FKBP1B: variants seen among roughly 807,000 people sequenced by gnomAD.
FKBP1B encodes peptidyl-prolyl cis-trans isomerase FKBP1B.
FKBP1B carries 4 observed loss-of-function variants against 13.5 expected under a neutral mutation model. The observed-to-expected ratio is 0.30, with a 90% CI of 0.15 to 0.68. The LOEUF (loss-of-function observed/expected upper bound fraction) is 0.68, where lower values mean the gene tolerates loss of function less well. Ranked by LOEUF, FKBP1B falls within the 30% of genes least tolerant of loss-of-function variation. The pLI is 0.76. For synonymous variants in FKBP1B, 54 were observed against 53.6 expected (o/e 1.01, Z -0.03); for missense variants, 93 against 136.2 (o/e 0.68, Z 1.58).
At chr2:24,062,253 A>C (rs909352441) in intron 3 of FKBP1B, among the ~76,000 whole-genome samples, 4 of 151,318 alleles carry the variant, frequency 2.6e-5, no homozygotes, top group Non-Finnish European at 5.9e-5. Flanking sequence ...GCTCACTGCA[A>C]CCTCCTCCTC....
intron 1 of FKBP1B, among the ~76,000 whole-genome samples, 153 bp from the exon 2 acceptor site, chr2:24,053,749 C>T (rs931915276): frequency 9.2e-5 from 14 of 152,134 alleles, no homozygotes; most frequent in Non-Finnish European, 1.9e-4. Flanking sequence ...TTCATTCTGG[C>T]TCGTACAGGG....
the FKBP1B span, chr2:24,038,303 G>C: frequency 3.1e-6 from 5 of 1,614,166 alleles, no homozygotes; most frequent in Non-Finnish European, 4.2e-6. Flanking sequence ...ATTAGTAATA[G>C]TTGGTCTGTC....
chr2:24,045,646 G>GAAGGAAGGAAGGAAGA (rs1663597669), upstream of FKBP1B, among the ~76,000 whole-genome samples: 1 of 139,928 alleles, frequency 7.1e-6, no homozygotes, highest in African/African-American at 2.6e-5. Context: ...AGGAAGGAAG[G>GAAGGAAGGAAGGAAGA]AAGGAAGGAA....
At chr2:24,052,766 A>C (rs1663938409) in intron 1 of FKBP1B, among the ~76,000 whole-genome samples, 2 of 152,144 alleles carry the variant, frequency 1.3e-5, no homozygotes, top group Non-Finnish European at 2.9e-5. Flanking sequence ...CAGGAGTTCA[A>C]GGCCAACCTG....
the FKBP1B span, among the ~76,000 whole-genome samples, chr2:24,041,457 G>GA: frequency 6.6e-6 from 1 of 151,960 alleles, no homozygotes; most frequent in East Asian, 1.9e-4. Flanking sequence ...TTTAGCCTCT[G>GA]AAAATGTTAA....
chr2:24,049,456 T>G, upstream of FKBP1B: 4 of 174,014 alleles, frequency 2.3e-5, no homozygotes, highest in Non-Finnish European at 3.7e-5. Flanking sequence ...TAGGACTGGG[T>G]TGACTTCCCA....
intron 1 of FKBP1B, 45 bp downstream of exon 1, chr2:24,049,931 G>A (rs1000974829): frequency 1.2e-4 from 162 of 1,361,574 alleles, no homozygotes; most frequent in Admixed American, 1.6e-4. Flanking sequence ...GGGTCCCGGG[G>A]CGGAGCCCGG....
the FKBP1B span, among the ~76,000 whole-genome samples, chr2:24,042,757 G>T: frequency 6.6e-6 from 1 of 151,546 alleles, no homozygotes; most frequent in East Asian, 2.0e-4. Flanking sequence ...CCAGAGCCAG[G>T]CGCGGCGGCT....
At chr2:24,037,531 G>T in the FKBP1B span, 2 of 882,144 alleles carry the variant, frequency 2.3e-6, no homozygotes, top group Admixed American at 2.5e-5. Context: ...AACCTGCAAA[G>T]GTGTACCAAC....
upstream of FKBP1B, among the ~76,000 whole-genome samples, chr2:24,048,636 C>T (rs72781698): frequency 0.15 from 22,020 of 151,742 alleles, 1,926 homozygotes; most frequent in South Asian, 0.2. Flanking sequence ...CTTGGCCTCA[C>T]ATCAATTTTT....
chr2:24,038,916 C>A, the FKBP1B span: 1 of 1,614,186 alleles, frequency 6.2e-7, no homozygotes, highest in Admixed American at 1.7e-5. Context: ...AGGAGGAGCA[C>A]CTGTGAAGAG....
At chr2:24,038,154 G>C in the FKBP1B span, 1 of 1,614,148 alleles carries the variant, frequency 6.2e-7, no homozygotes, top group Non-Finnish European at 8.5e-7. Context: ...AAGTAGAGTA[G>C]GTAGTCTGGC....
Position 24,063,460 on chromosome 2 carries a change from C to CGG in FKBP1B, c.*268_*269insGG. On this transcript the variant is annotated 3_prime_UTR_variant, in exon 4 of 4. Transcript: ENST00000380986. ...TGCATGTAGTAGCCTTTCCTGATGA[C>CGG]AGAACACAGATCTCTTGTTCGCACA... is the stretch of plus-strand genomic sequence containing the variant. 2.6e-6 allele frequency: 1 copy of CGG among 382,388 alleles called. No individual in the cohort carries two copies. 23.7% of individuals were successfully genotyped at this position (382,388 alleles called of 1,614,324 possible). A position where few individuals can be genotyped will look rare whatever the true frequency, so the allele number is the denominator to read the frequency against.
upstream of FKBP1B, chr2:24,049,565 G>A: frequency 3.0e-6 from 1 of 333,546 alleles, no homozygotes. Context: ...ACGCTCCCTG[G>A]TCAGTGGGTT....
At chr2:24,037,980 A>C in the FKBP1B span, 1 of 1,614,238 alleles carries the variant, frequency 6.2e-7, no homozygotes. Context: ...CATCACAGAT[A>C]CTAGACAGAG....
the FKBP1B span, among the ~76,000 whole-genome samples, chr2:24,044,459 G>T: frequency 6.6e-6 from 1 of 152,030 alleles, no homozygotes; most frequent in African/African-American, 2.4e-5. Flanking sequence ...TAGAGACTGG[G>T]TTTCACCATG....
chr2:24,041,320 C>T, the FKBP1B span, among the ~76,000 whole-genome samples: 2 of 148,982 alleles, frequency 1.3e-5, no homozygotes, highest in African/African-American at 4.9e-5. Flanking sequence ...GCCTGGGCGA[C>T]AGGAGCAAAA....
intron 1 of FKBP1B, 22 bp downstream of exon 1, chr2:24,049,908 CAGGGG>C (rs1204194198): frequency 3.6e-6 from 5 of 1,395,654 alleles, no homozygotes; most frequent in East Asian, 3.0e-5. Flanking sequence ...CCTCCGGAGC[CAGGGG>C]AGGGGAGGGG....
At chr2:24,059,373 G>GGGGC (rs70944711) in intron 2 of FKBP1B, among the ~76,000 whole-genome samples, 10 of 54,190 alleles carry the variant, frequency 1.8e-4, no homozygotes, top group Admixed American at 6.6e-4. Flanking sequence ...ACCAGCACCT[G>GGGGC]GGGGGGGGTT....
Sources: gnomAD v4.1 joint callset for allele counts (sites outside exome capture counted in the v4.1 genomes callset) on GRCh38, gnomAD v4.1.1 for gene constraint, MANE v1.5 for transcripts, NCBI Gene and HGNC (gene_info 2026-07-23, HGNC 2026-07-21) for gene names.